SORCS1: variants seen among roughly 807,000 people sequenced by gnomAD.
SORCS1 encodes sortilin related VPS10 domain containing receptor 1.
In SORCS1, 60 loss-of-function variants were observed where a neutral mutation model predicts 146.1. The observed-to-expected ratio is 0.41, with a 90% confidence interval of 0.33 to 0.51. The LOEUF is 0.51. Among genes scored for constraint, SORCS1 ranks in the 20% least tolerant of loss-of-function variants. The probability of loss-of-function intolerance (pLI) is 0.21; values close to 1 mark genes in which losing one functional copy is unlikely to be tolerated. For synonymous variants in SORCS1, 637 were observed against 584.0 expected, an observed-to-expected ratio of 1.09 and a Z score of -1.31; for missense variants, 1,352 against 1,487.6, an observed-to-expected ratio of 0.91 and a Z score of 1.50.
At chr10:106,726,185 CTT>C (rs1169402270) in intron 6 of SORCS1, among the ~76,000 whole-genome samples, 5 of 66,298 alleles carry the variant, frequency 7.5e-5, no homozygotes, top group African/African-American at 1.9e-4. Context: ...CTTTCCCTCT[CTT>C]TTTTTTTTTT....
In SORCS1 at chr10:106,725,330, A is replaced by C. The variant is rs371181510; in HGVS notation, c.1024+4720T>G. 2.5e-4 allele frequency among the ~76,000 whole-genome samples: 38 copies of C among 152,108 alleles called. No homozygotes were observed. The South Asian group carries it at 7.5e-3, about 30-fold the overall frequency. ...TTTGAAAGGCCGAGGCAGGTGGATC[A>C]CCTGAGATCAGGAGTTCCATACCAG... is the stretch of plus-strand genomic sequence containing the variant. On this transcript the variant is annotated intron_variant, in intron 6 of 25. Transcript: ENST00000263054.
intron 1 of SORCS1, among the ~76,000 whole-genome samples, chr10:107,027,856 A>G (rs1196672984): frequency 6.6e-6 from 1 of 152,094 alleles, no homozygotes; most frequent in Non-Finnish European, 1.5e-5. Flanking sequence ...TATCACAATT[A>G]CTCGTTGGCC....
chr10:106,964,906 G>T (rs1428994059), intron 1 of SORCS1, among the ~76,000 whole-genome samples: 4 of 150,870 alleles, frequency 2.7e-5, no homozygotes, highest in Non-Finnish European at 4.4e-5. Flanking sequence ...GAGCCACCAT[G>T]CCTGGCCAAG....
In SORCS1 at chr10:106,576,127, G is replaced by A. The variant is rs549870085; in HGVS notation, c.*1293C>T. ...ATATGTTTCCAGGTGGGAAAAGGCA[G>A]GGATATTTGAAAAAGGCAGGTTCTA... On this transcript the variant is annotated 3_prime_UTR_variant, in exon 26 of 26. Transcript: ENST00000263054. 3 of 152,370 alleles carry A rather than the reference G, an allele frequency of 2.0e-5. No homozygotes were observed. The highest frequency in any genetic ancestry group is 2.1e-4 in the South Asian group (1 of 4,822). The allele number at this position is 152,370 out of a possible 1,614,324, so 9.4% of individuals were successfully genotyped here. A position where few individuals can be genotyped will look rare whatever the true frequency, so the allele number is the denominator to read the frequency against.
intron 23 of SORCS1, among the ~76,000 whole-genome samples, chr10:106,602,267 A>G (rs2133349800): frequency 6.6e-6 from 1 of 152,280 alleles, no homozygotes; most frequent in East Asian, 1.9e-4. Flanking sequence ...ACTGAACTTA[A>G]TAGCATTCTA....
chr10:107,020,816 T>A (rs1958093827), intron 1 of SORCS1, among the ~76,000 whole-genome samples: 2 of 152,180 alleles, frequency 1.3e-5, no homozygotes, highest in African/African-American at 4.8e-5. Flanking sequence ...AGAGCAGCAA[T>A]CCCTAAACTT....
In SORCS1 at chr10:106,658,750, T is replaced by C. The variant is rs147664467; in HGVS notation, c.2304-6197A>G. Among the ~76,000 whole-genome samples the C allele has an allele frequency of 5.1e-3, 776 of 152,258 alleles. 2 individuals carry two copies. Among genetic ancestry groups the C allele is most frequent in the Middle Eastern group, 6.8e-3 (2 of 294 alleles). On this transcript the variant is annotated intron_variant, in intron 17 of 25. Transcript: ENST00000263054. ...ATGTGTGTAAATTAAAAGAGCTATGTAACTATAGATCTCTCACATGAAGAT... is the reference window on the plus strand; with the variant it reads ...ATGTGTGTAAATTAAAAGAGCTATGCAACTATAGATCTCTCACATGAAGAT...
chr10:106,900,185 G>A (rs540680566), intron 2 of SORCS1, among the ~76,000 whole-genome samples: 3 of 152,154 alleles, frequency 2.0e-5, no homozygotes, highest in South Asian at 4.2e-4. Flanking sequence ...AACAGTGAAC[G>A]CTTACCACAC....
At chr10:106,579,803 T>C (rs187603391) in intron 24 of SORCS1, among the ~76,000 whole-genome samples, 11 of 152,234 alleles carry the variant, frequency 7.2e-5, no homozygotes, top group Non-Finnish European at 1.2e-4. Context: ...ATAAAAATAA[T>C]GGTATATACT....
At chr10:106,785,967 T>C (rs895300691) in intron 3 of SORCS1, among the ~76,000 whole-genome samples, 1 of 152,234 alleles carries the variant, frequency 6.6e-6, no homozygotes, top group Non-Finnish European at 1.5e-5. Context: ...AATTGACATG[T>C]CAGAGCATAA....
intron 2 of SORCS1, among the ~76,000 whole-genome samples, chr10:106,830,385 C>A (rs1163290911): frequency 6.6e-6 from 1 of 152,070 alleles, no homozygotes; most frequent in African/African-American, 2.4e-5. Context: ...GAATTTTAAT[C>A]TTATTATATC....
intron 2 of SORCS1, among the ~76,000 whole-genome samples, chr10:106,856,778 C>T (rs1949803692): frequency 6.6e-6 from 1 of 152,192 alleles, no homozygotes; most frequent in South Asian, 2.1e-4. Context: ...CCATCAACTA[C>T]TGTTTAAGTT....
intron 3 of SORCS1, among the ~76,000 whole-genome samples, chr10:106,798,723 T>C (rs1328153111): frequency 3.3e-5 from 5 of 152,212 alleles, no homozygotes; most frequent in Non-Finnish European, 7.3e-5. Context: ...GTCTTTGCTA[T>C]TGTGAATAGT....
In SORCS1 at chr10:106,978,845, C is replaced by T. The variant is rs141212764; in HGVS notation, c.559-22265G>A. 3.3e-5 allele frequency among the ~76,000 whole-genome samples: 5 copies of T among 151,790 alleles called. No individual in the cohort carries two copies. The East Asian group carries it at 9.7e-4, about 29-fold the overall frequency. On this transcript the variant is annotated intron_variant, in intron 1 of 25. Coordinates refer to ENST00000263054, the MANE Select transcript of SORCS1 (RefSeq NM_052918.5). ...TAGTAAGTATTTTTGGTTTGTGGACCACAAGATGTTTGTCATTACTTCTCA... is the reference window on the plus strand; with the variant it reads ...TAGTAAGTATTTTTGGTTTGTGGACTACAAGATGTTTGTCATTACTTCTCA...
chr10:106,762,912 G>A (rs775326409), intron 4 of SORCS1, among the ~76,000 whole-genome samples: 3 of 151,982 alleles, frequency 2.0e-5, no homozygotes, highest in African/African-American at 7.3e-5. Context: ...TGAACACCTG[G>A]TATTTCAACA....
intron 8 of SORCS1, among the ~76,000 whole-genome samples, chr10:106,701,777 A>G (rs1012029244): frequency 1.3e-5 from 2 of 152,230 alleles, no homozygotes; most frequent in African/African-American, 4.8e-5. Flanking sequence ...AGCCATGTGA[A>G]TGAAACTCTG....
intron 1 of SORCS1, among the ~76,000 whole-genome samples, chr10:107,148,555 A>T (rs537786440): frequency 6.6e-6 from 1 of 152,350 alleles, no homozygotes; most frequent in South Asian, 2.1e-4. Context: ...AAATTTGGCC[A>T]CCCCTGTGTA....
intron 1 of SORCS1, among the ~76,000 whole-genome samples, chr10:107,071,724 C>A (rs1027827052): frequency 1.3e-5 from 2 of 152,238 alleles, no homozygotes; most frequent in African/African-American, 4.8e-5. Flanking sequence ...CTAACACTCA[C>A]ACTAGTCAGT....
chr10:106,733,054 G>A (rs764931083), intron 5 of SORCS1, among the ~76,000 whole-genome samples: 7 of 144,670 alleles, frequency 4.8e-5, no homozygotes, highest in African/African-American at 1.0e-4. Flanking sequence ...GTTGCAGTGA[G>A]CCAAGATCAC....
Sources: allele counts gnomAD v4.1 joint callset (sites outside exome capture counted in the v4.1 genomes callset), GRCh38; gene constraint gnomAD v4.1.1; transcripts MANE v1.5; gene names NCBI Gene and HGNC (gene_info 2026-07-23, HGNC 2026-07-21).